CAMTA1: variants seen among roughly 807,000 people sequenced by gnomAD.
The protein encoded by CAMTA1 is calmodulin binding transcription activator 1.
CAMTA1 carries 27 observed loss-of-function variants against 170.9 expected under a neutral mutation model. The observed-to-expected ratio is 0.16, with a 90% CI of 0.12 to 0.22. The LOEUF is 0.22. Among genes scored for constraint, CAMTA1 ranks in the 10% least tolerant of loss-of-function variants. CAMTA1 has a pLI of 1.00. For synonymous variants in CAMTA1, 833 were observed against 891.5 expected, an observed-to-expected ratio of 0.93 and a Z score of 1.17; for missense variants, 1,619 against 2,217.2, an observed-to-expected ratio of 0.73 and a Z score of 5.42.
At chr1:7,329,134 C>CT (rs2082871073) in intron 5 of CAMTA1, among the ~76,000 whole-genome samples, 1 of 151,872 alleles carries the variant, frequency 6.6e-6, no homozygotes, top group South Asian at 2.1e-4. Context: ...ATTATCTTCA[C>CT]TTTACTGTAG....
intron 3 of CAMTA1, among the ~76,000 whole-genome samples, chr1:7,055,753 T>A (rs1707227569): frequency 6.6e-6 from 1 of 152,156 alleles, no homozygotes; most frequent in South Asian, 2.1e-4. Context: ...CCCCAGTCCG[T>A]TTGCTCACTA....
At chr1:7,228,253 C>A (rs1014600038) in intron 4 of CAMTA1, among the ~76,000 whole-genome samples, 1 of 152,226 alleles carries the variant, frequency 6.6e-6, no homozygotes, top group Non-Finnish European at 1.5e-5. Context: ...TCCAGAGATG[C>A]AGTCCTGTGA....
At chr1:7,206,342 T>C (rs1403959532) in intron 4 of CAMTA1, among the ~76,000 whole-genome samples, 2 of 152,200 alleles carry the variant, frequency 1.3e-5, no homozygotes, top group African/African-American at 2.4e-5. Context: ...TTTTGTGTTA[T>C]TTAGTTTTGA....
At chr1:6,885,559 T>C (rs10399796) in intron 3 of CAMTA1, among the ~76,000 whole-genome samples, 33,374 of 152,156 alleles carry the variant, frequency 0.22, 3,987 homozygotes, top group African/African-American at 0.33. Context: ...GTATTTGGTC[T>C]GCAGTAGGCA....
chr1:6,912,727 A>C (rs952022464), intron 3 of CAMTA1, among the ~76,000 whole-genome samples: 2 of 152,164 alleles, frequency 1.3e-5, no homozygotes, highest in African/African-American at 4.8e-5. Context: ...TCAGCAGAAG[A>C]CTACCCCAGT....
intron 3 of CAMTA1, among the ~76,000 whole-genome samples, chr1:6,889,533 G>C (rs958183880): frequency 1.3e-5 from 2 of 152,234 alleles, no homozygotes; most frequent in African/African-American, 4.8e-5. Context: ...CTAGGCCGCA[G>C]TGCGCACTCG....
chr1:7,704,605 G>A (rs1172988608), intron 11 of CAMTA1, among the ~76,000 whole-genome samples: 1 of 148,832 alleles, frequency 6.7e-6, no homozygotes, highest in Non-Finnish European at 1.5e-5. Context: ...CCTCTGCCCG[G>A]CTCCGGGTGA....
chr1:7,621,990 G>A (rs116380087), intron 6 of CAMTA1, among the ~76,000 whole-genome samples: 3,051 of 152,284 alleles, frequency 0.02, 89 homozygotes, highest in African/African-American at 0.069. Context: ...CAAGTCTTTG[G>A]TTCTGCAGAA....
intron 3 of CAMTA1, among the ~76,000 whole-genome samples, chr1:6,945,007 G>A (rs944414873): frequency 6.6e-6 from 1 of 152,114 alleles, no homozygotes; most frequent in Non-Finnish European, 1.5e-5. Flanking sequence ...GTCGAGGAGC[G>A]CCTGCGTGTG....
intron 3 of CAMTA1, among the ~76,000 whole-genome samples, chr1:6,969,413 G>T (rs895178030): frequency 1.3e-5 from 2 of 152,294 alleles, no homozygotes; most frequent in East Asian, 3.9e-4. Flanking sequence ...AGGGTTCCTG[G>T]GCTCCAGCCG....
At chr1:7,432,456 C>T (rs1232460518) in intron 5 of CAMTA1, among the ~76,000 whole-genome samples, 3 of 152,176 alleles carry the variant, frequency 2.0e-5, no homozygotes, top group African/African-American at 2.4e-5. Context: ...GTTCCGGTAG[C>T]GGCCAGGGAA....
At chr1:6,815,502 C>A (rs1045016246) in intron 1 of CAMTA1, among the ~76,000 whole-genome samples, 14 of 152,308 alleles carry the variant, frequency 9.2e-5, no homozygotes, top group Admixed American at 2.6e-4. Context: ...CCATGCCCAG[C>A]CTTCTTGGGT....
At chr1:7,308,838 G>A (rs1676001991) in intron 5 of CAMTA1, among the ~76,000 whole-genome samples, 2 of 152,182 alleles carry the variant, frequency 1.3e-5, no homozygotes, top group African/African-American at 2.4e-5. Flanking sequence ...GTTGGAGTTG[G>A]TTGATGGTGC....
At chr1:7,427,945 A>C (rs2091948122) in intron 5 of CAMTA1, among the ~76,000 whole-genome samples, 1 of 152,138 alleles carries the variant, frequency 6.6e-6, no homozygotes, top group South Asian at 2.1e-4. Context: ...TGGGGATTAC[A>C]GAAATGAGCT....
At chr1:6,785,620 G>A (rs1477840626) in intron 1 of CAMTA1, 45 bp downstream of exon 1, 1 of 986,556 alleles carries the variant, frequency 1.0e-6, no homozygotes. Flanking sequence ...GCGGCGGGCG[G>A]CGGGACCCGG....
chr1:7,301,238 A>T (rs950655660), intron 5 of CAMTA1, among the ~76,000 whole-genome samples: 1 of 152,248 alleles, frequency 6.6e-6, no homozygotes, highest in Non-Finnish European at 1.5e-5. Flanking sequence ...TAAATTGCTC[A>T]TTAGAAGTGC....
chr1:7,092,679 G>A lies in CAMTA1; in HGVS notation c.302+1308G>A, dbSNP rs1641631086. Among the ~76,000 whole-genome samples the A allele has an allele frequency of 6.6e-6, 1 of 152,230 alleles. No individual in the cohort carries two copies. The highest frequency in any genetic ancestry group is 1.5e-5 in the Non-Finnish European group (1 of 68,040). ...TCAGCTTTTGCTGTGATAATTCTGT[G>A]TAAGAAACGACCTGCAAGCTTAGTG... On this transcript the variant is annotated intron_variant, in intron 4 of 22. Transcript: ENST00000303635. The surrounding 1 kb of genome is among the most constrained non-coding windows in gnomAD (Gnocchi z 5.0).
intron 1 of CAMTA1, among the ~76,000 whole-genome samples, chr1:6,812,623 T>C (rs1003847037): frequency 2.6e-5 from 4 of 152,222 alleles, no homozygotes; most frequent in Admixed American, 6.5e-5. Flanking sequence ...TGCTCTTTGA[T>C]TATTTTCAGA....
rs1328407105 is a variant in CAMTA1, at chr1:7,752,658, A to T, written c.4958+125A>T. The T allele has an allele frequency of 1.1e-5, 8 of 701,726 alleles. No individual in the cohort carries two copies. In the East Asian group the frequency reaches 2.1e-4, roughly 18 times the overall value. The allele number at this position is 701,726 out of a possible 1,614,324, so 43.5% of individuals were successfully genotyped here. A position where few individuals can be genotyped will look rare whatever the true frequency, so the allele number is the denominator to read the frequency against. On this transcript the variant is annotated intron_variant, in intron 21 of 22. Transcript: ENST00000303635. ...GCAGATAATCAGGGCAGACGTCCCA[A>T]ATTACAATAGGGCGGTAGAGCTCTT...
Sources: allele counts gnomAD v4.1 joint callset (sites outside exome capture counted in the v4.1 genomes callset), GRCh38; gene constraint gnomAD v4.1.1; non-coding constraint Gnocchi (gnomAD v3.1); transcripts MANE v1.5; gene names NCBI Gene and HGNC (gene_info 2026-07-23, HGNC 2026-07-21).